PCTP: variants seen among roughly 807,000 people sequenced by gnomAD.
PCTP encodes phosphatidylcholine transfer protein.
PCTP carries 27 observed loss-of-function variants against 31.0 expected under a neutral mutation model. The observed-to-expected ratio is 0.87, with a 90% CI of 0.64 to 1.20. The LOEUF is 1.20. Ranked by LOEUF, PCTP falls within the 50% of genes most tolerant of loss-of-function variation. PCTP has a pLI of 0.00. For missense variants in PCTP, 287 were observed against 268.2 expected, an observed-to-expected ratio of 1.07 and a Z score of -0.49; for synonymous variants, 108 against 101.2, an observed-to-expected ratio of 1.07 and a Z score of -0.40.
At chr17:55,825,837 C>T (rs940898131), downstream of PCTP, among the ~76,000 whole-genome samples, 3 of 152,216 alleles carry the variant, frequency 2.0e-5, no homozygotes, top group Admixed American at 6.5e-5. Flanking sequence ...TCCCATTCCT[C>T]CTCATTCTGA....
downstream of PCTP, among the ~76,000 whole-genome samples, chr17:55,777,582 G>A (rs373692416): frequency 9.2e-5 from 14 of 152,306 alleles, no homozygotes; most frequent in African/African-American, 2.6e-4. Flanking sequence ...AATTCAGATC[G>A]TTTAGTATTG....
At chr17:55,826,609 C>T (rs116967261), downstream of PCTP, among the ~76,000 whole-genome samples, 54 of 152,234 alleles carry the variant, frequency 3.5e-4, 3 homozygotes, top group East Asian at 8.9e-3. Flanking sequence ...ACAGCCATAA[C>T]GCTAAAGACA....
intron 3 of PCTP, among the ~76,000 whole-genome samples, chr17:55,811,772 A>T (rs1256756097): frequency 6.6e-6 from 1 of 152,218 alleles, no homozygotes; most frequent in Admixed American, 6.5e-5. Flanking sequence ...AGGTCTTGTG[A>T]TCACACTCCT....
intron 3 of PCTP, among the ~76,000 whole-genome samples, chr17:55,814,470 C>A (rs371055808): frequency 6.6e-6 from 1 of 152,250 alleles, no homozygotes; most frequent in Non-Finnish European, 1.5e-5. Flanking sequence ...GGGCCAGGCA[C>A]CTCTGGCTGT....
At position 55,795,576 on chromosome 17, in the gene PCTP, G is replaced by A. The variant is rs377249727; in HGVS notation, c.317+7922G>A. On this transcript the variant is annotated intron_variant, in intron 3 of 3. Transcript: ENST00000572536. ...AGTTTCTTCACCCATGGAAGGGAGCGTGACAGATTGAAATGTTTGCATAAA... is the reference window on the plus strand; with the variant it reads ...AGTTTCTTCACCCATGGAAGGGAGCATGACAGATTGAAATGTTTGCATAAA... Among the ~76,000 whole-genome samples the A allele has an allele frequency of 1.9e-4, 29 of 152,174 alleles. 2 individuals are homozygous for A. Among genetic ancestry groups the A allele is most frequent in the Admixed American group, 9.2e-4 (14 of 15,262 alleles).
intron 3 of PCTP, among the ~76,000 whole-genome samples, chr17:55,788,587 A>G (rs1375496528): frequency 1.3e-5 from 2 of 152,224 alleles, no homozygotes; most frequent in Non-Finnish European, 2.9e-5. Context: ...ATAATTATGT[A>G]TAGACTTATT....
chr17:55,827,697 T>C (rs1218245776), downstream of PCTP, among the ~76,000 whole-genome samples: 1 of 152,212 alleles, frequency 6.6e-6, no homozygotes, highest in Non-Finnish European at 1.5e-5. Flanking sequence ...TTAGAGGGGT[T>C]AGAGCATCCC....
chr17:55,767,095 T>G (rs1377946220), intron 1 of PCTP, among the ~76,000 whole-genome samples: 1 of 152,232 alleles, frequency 6.6e-6, no homozygotes, highest in Non-Finnish European at 1.5e-5. Context: ...CTTCACCCAC[T>G]TTTTGATGGG....
intron 5 of PCTP, among the ~76,000 whole-genome samples, chr17:55,828,136 C>G (rs1023090665): frequency 1.3e-5 from 2 of 152,154 alleles, no homozygotes; most frequent in East Asian, 3.9e-4. Context: ...ATTGGAGAAG[C>G]AAGGAGCTGT....
At chr17:55,762,284 G>T (rs1162102794) in intron 1 of PCTP, among the ~76,000 whole-genome samples, 1 of 152,124 alleles carries the variant, frequency 6.6e-6, no homozygotes, top group African/African-American at 2.4e-5. Flanking sequence ...GTTGATCAGT[G>T]GGGGTGGGCA....
chr17:55,822,731 A>G lies in PCTP; in HGVS notation c.318-30A>G, dbSNP rs751918138. The G allele has an allele frequency of 9.9e-6, 12 of 1,213,086 alleles. No individual in the cohort carries two copies. The East Asian group carries it at 3.8e-4, about 38-fold the overall frequency. The allele number at this position is 1,213,086 out of a possible 1,614,324, so 75.1% of individuals were successfully genotyped here. A position where few individuals can be genotyped will look rare whatever the true frequency, so the allele number is the denominator to read the frequency against. ...AATTTTTGTGGCTGTACTTACTCTC[A>G]TCCTTTGCTCTTTCCATTTGATTCT... is the stretch of plus-strand genomic sequence containing the variant. On this transcript the variant is annotated intron_variant, in intron 3 of 3. Transcript: ENST00000572536.
chr17:55,751,239 G>T lies in PCTP; in HGVS notation c.136G>T (p.Asp46Tyr). ...GGGCATCAGCATCTACCGGCTGCTG[G>T]ACAAGGTAGCGGCCAACCCGCTGGA... The part of the protein sequence containing the change: ...TSGISIYRLL[D>Y]KKTGLYEYKV... The change falls in exon 1 of 6, where the codon GAC (aspartate) becomes TAC (tyrosine). Residue 46 changes from aspartate (D) to tyrosine (Y), a missense_variant. Physicochemically the swap from Asp to Tyr is radical, Grantham distance 160. Coordinates refer to ENST00000268896, the MANE Select transcript of PCTP (RefSeq NM_021213.4). 7 of 1,540,828 alleles carry T rather than the reference G, an allele frequency of 4.5e-6. No individual in the cohort carries two copies. The highest frequency in any genetic ancestry group is 6.1e-6 in the Non-Finnish European group (7 of 1,142,244).
At chr17:55,803,806 G>C (rs113135105) in intron 3 of PCTP, among the ~76,000 whole-genome samples, 1 of 151,288 alleles carries the variant, frequency 6.6e-6, no homozygotes. Flanking sequence ...ATGGGCAAAG[G>C]CTTCATGACT....
chr17:55,814,330 G>A (rs1301526853), intron 3 of PCTP, among the ~76,000 whole-genome samples: 1 of 152,174 alleles, frequency 6.6e-6, no homozygotes, highest in Non-Finnish European at 1.5e-5. Context: ...AAGATCAAAA[G>A]TGTTCACTAA....
At chr17:55,820,395 T>C (rs1031358008) in intron 3 of PCTP, among the ~76,000 whole-genome samples, 1 of 152,210 alleles carries the variant, frequency 6.6e-6, no homozygotes, top group Non-Finnish European at 1.5e-5. Context: ...CTAGCAAATC[T>C]AGGGGCTGGT....
chr17:55,814,252 A>T (rs1912843276), intron 3 of PCTP, among the ~76,000 whole-genome samples: 1 of 152,214 alleles, frequency 6.6e-6, no homozygotes, highest in African/African-American at 2.4e-5. Context: ...CTACCCTGTC[A>T]TGTGTTAATG....
chr17:55,805,398 T>A (rs1912542226), intron 3 of PCTP, among the ~76,000 whole-genome samples: 2 of 152,062 alleles, frequency 1.3e-5, no homozygotes, highest in Admixed American at 6.6e-5. Context: ...TGTCTATTTT[T>A]CCATCTTTAT....
chr17:55,775,507 T>TTA, intron 5 of PCTP: 1 of 1,193,888 alleles, frequency 8.4e-7, no homozygotes, highest in Non-Finnish European at 1.0e-6. Context: ...CTGTCTTGTT[T>TTA]TATTTAAGGA....
chr17:55,784,933 C>A (rs2144993348), intron 2 of PCTP, among the ~76,000 whole-genome samples: 1 of 152,326 alleles, frequency 6.6e-6, no homozygotes, highest in Middle Eastern at 3.4e-3. Flanking sequence ...CATTTACTGT[C>A]CCCAACATCT....
Sources: allele counts gnomAD v4.1 joint callset (sites outside exome capture counted in the v4.1 genomes callset), GRCh38; gene constraint gnomAD v4.1.1; transcripts MANE v1.5; gene names NCBI Gene and HGNC (gene_info 2026-07-23, HGNC 2026-07-21).